Variants in MALRD1 observed in about 807,000 individuals in gnomAD.
The protein encoded by MALRD1 is MAM and LDL receptor class A domain containing 1.
MALRD1 carries 247 observed loss-of-function variants against 242.1 expected under a neutral mutation model. The observed-to-expected ratio is 1.02, with a 90% CI of 0.92 to 1.13. The LOEUF (loss-of-function observed/expected upper bound fraction) is 1.13, where lower values mean the gene tolerates loss of function less well. Ranked by LOEUF, MALRD1 falls within the 50% of genes most tolerant of loss-of-function variation. MALRD1 has a pLI of 0.00. For missense variants in MALRD1, 2,989 were observed against 2,533.1 expected, an observed-to-expected ratio of 1.18 and a Z score of -3.86; for synonymous variants, 995 against 866.6, an observed-to-expected ratio of 1.15 and a Z score of -2.60.
At chr10:19,675,109 T>C (rs919933580) in intron 36 of MALRD1, among the ~76,000 whole-genome samples, 4 of 152,138 alleles carry the variant, frequency 2.6e-5, no homozygotes, top group Admixed American at 6.5e-5. Flanking sequence ...CTGTAATAAT[T>C]TTGAAATAAT....
chr10:19,467,781 A>T (rs993303354), intron 29 of MALRD1, among the ~76,000 whole-genome samples: 1 of 126,506 alleles, frequency 7.9e-6, no homozygotes, highest in Non-Finnish European at 1.6e-5. Context: ...TACTTTTTAA[A>T]TTTTTTTTTA....
At chr10:19,498,012 T>C (rs1421346489) in intron 30 of MALRD1, among the ~76,000 whole-genome samples, 1 of 152,244 alleles carries the variant, frequency 6.6e-6, no homozygotes, top group Non-Finnish European at 1.5e-5. Context: ...GTGATTGGTA[T>C]GGTGTCCAAG....
At chr10:19,657,921 G>C (rs1043419331) in intron 36 of MALRD1, among the ~76,000 whole-genome samples, 1 of 152,156 alleles carries the variant, frequency 6.6e-6, no homozygotes, top group African/African-American at 2.4e-5. Context: ...GCTGAGGCGG[G>C]TGGATCACCT....
At chr10:19,370,355 A>G (rs1845320916) in intron 26 of MALRD1, among the ~76,000 whole-genome samples, 1 of 152,124 alleles carries the variant, frequency 6.6e-6, no homozygotes. Context: ...ATCCATGGGC[A>G]TGATATATCT....
At chr10:19,562,595 CCT>C (rs1374765126) in intron 32 of MALRD1, among the ~76,000 whole-genome samples, 2 of 152,066 alleles carry the variant, frequency 1.3e-5, no homozygotes, top group Non-Finnish European at 2.9e-5. Context: ...CATGTGTCCC[CCT>C]CTTTCTTTCT....
intron 38 of MALRD1, among the ~76,000 whole-genome samples, chr10:19,694,227 G>T (rs891020423): frequency 6.6e-6 from 1 of 152,146 alleles, no homozygotes; most frequent in African/African-American, 2.4e-5. Context: ...TTGACAAATG[G>T]GATCTAATTA....
At chr10:19,428,875 G>T (rs373302530) in intron 28 of MALRD1, among the ~76,000 whole-genome samples, 1 of 152,038 alleles carries the variant, frequency 6.6e-6, no homozygotes, top group Non-Finnish European at 1.5e-5. Flanking sequence ...AGTCTAAAAA[G>T]CTCTGAAGCT....
At chr10:19,603,551 A>G (rs1295602072) in intron 34 of MALRD1, among the ~76,000 whole-genome samples, 1 of 152,070 alleles carries the variant, frequency 6.6e-6, no homozygotes, top group East Asian at 1.9e-4. Flanking sequence ...CCATTGGTCT[A>G]TATCTCTGTT....
intron 5 of MALRD1, 117 bp downstream of exon 5, chr10:19,104,192 AT>A: frequency 1.8e-6 from 1 of 563,588 alleles, no homozygotes; most frequent in Non-Finnish European, 2.6e-6. Flanking sequence ...CATGTGGGAT[AT>A]TTTTCGTTCT....
intron 21 of MALRD1, among the ~76,000 whole-genome samples, chr10:19,292,564 GT>G (rs936797759): frequency 6.6e-5 from 10 of 152,034 alleles, no homozygotes; most frequent in African/African-American, 2.4e-4. Flanking sequence ...TTATACATTT[GT>G]GCAGATTTGA....
intron 31 of MALRD1, among the ~76,000 whole-genome samples, chr10:19,505,874 A>T (rs185949109): frequency 3.9e-5 from 6 of 152,320 alleles, no homozygotes; most frequent in African/African-American, 9.6e-5. Context: ...TCAGTGTCAT[A>T]GTTGGGGTTA....
intron 18 of MALRD1, among the ~76,000 whole-genome samples, chr10:19,242,256 T>A (rs746576386): frequency 6.6e-6 from 1 of 152,152 alleles, no homozygotes; most frequent in Non-Finnish European, 1.5e-5. Flanking sequence ...TCAGATCTTG[T>A]TAGACGTATT....
intron 28 of MALRD1, among the ~76,000 whole-genome samples, chr10:19,432,143 C>T (rs1471805140): frequency 6.6e-6 from 1 of 152,016 alleles, no homozygotes; most frequent in Non-Finnish European, 1.5e-5. Context: ...ATAGTAAGGA[C>T]CTGGCATGAG....
rs1285227885 is a variant in MALRD1, at chr10:19,165,726, A to G, written c.1746A>G (p.Lys582=). The G allele has an allele frequency of 3.2e-6, 4 of 1,231,580 alleles. No homozygotes were observed. The African/African-American group carries it at 4.7e-5, about 14-fold the overall frequency. The allele number at this position is 1,231,580 out of a possible 1,614,324, so 76.3% of individuals were successfully genotyped here. Residue 582 remains lysine (K), a synonymous_variant, in exon 13 of 40, where the codon AAA becomes AAG. Transcript: ENST00000454679. The part of the protein sequence containing the change: ...SLDGNLQKQG[K]IIRFSESQWS... ...ATGGAAACTTGCAAAAGCAGGGCAA[A>G]ATAATCAGATTCTCCGAATCTCAGT...
intron 21 of MALRD1, among the ~76,000 whole-genome samples, chr10:19,289,947 T>G (rs916454382): frequency 6.6e-6 from 1 of 152,134 alleles, no homozygotes; most frequent in African/African-American, 2.4e-5. Context: ...AAGTAAGGAT[T>G]ATTTATAAGC....
At chr10:19,252,595 C>G (rs565037169) in intron 18 of MALRD1, among the ~76,000 whole-genome samples, 4 of 151,972 alleles carry the variant, frequency 2.6e-5, no homozygotes, top group Non-Finnish European at 5.9e-5. Context: ...CAGTAATCAT[C>G]TTATAGTTCT....
chr10:19,369,810 G>T (rs1165338049), intron 26 of MALRD1, among the ~76,000 whole-genome samples: 4 of 151,670 alleles, frequency 2.6e-5, no homozygotes, highest in South Asian at 2.1e-4. Flanking sequence ...TACTCTAGAT[G>T]CCAGTATCAT....
At chr10:19,667,452 C>T (rs1188034061) in intron 36 of MALRD1, among the ~76,000 whole-genome samples, 2 of 152,104 alleles carry the variant, frequency 1.3e-5, no homozygotes, top group African/African-American at 4.8e-5. Context: ...TCATGTTGAA[C>T]TGTAATCTCC....
intron 14 of MALRD1, among the ~76,000 whole-genome samples, chr10:19,181,035 T>C (rs1250970605): frequency 6.7e-6 from 1 of 149,674 alleles, no homozygotes; most frequent in Admixed American, 6.8e-5. Flanking sequence ...TCATATCAAT[T>C]AGGATAGCTA....
Sources: gnomAD v4.1 joint callset for allele counts (sites outside exome capture counted in the v4.1 genomes callset) on GRCh38, gnomAD v4.1.1 for gene constraint, MANE v1.5 for transcripts, NCBI Gene and HGNC (gene_info 2026-07-23, HGNC 2026-07-21) for gene names.